Variants in CALN1 observed in about 807,000 individuals in gnomAD.
CALN1 encodes calneuron 1, also known as calcium-binding protein 8.
CALN1 carries 17 observed loss-of-function variants against 30.6 expected under a neutral mutation model. That is an observed-to-expected ratio of 0.56 (90% CI 0.38 to 0.83). CALN1 has a LOEUF of 0.83. Ranked by LOEUF, CALN1 falls within the 40% of genes least tolerant of loss-of-function variation. CALN1 has a pLI of 0.00. For synonymous variants in CALN1, 156 were observed against 131.4 expected (o/e 1.19, Z -1.28); for missense variants, 291 against 354.9 (o/e 0.82, Z 1.45).
intron 3 of CALN1, among the ~76,000 whole-genome samples, chr7:72,227,639 A>G (rs952836250): frequency 2.0e-5 from 3 of 151,906 alleles, no homozygotes; most frequent in African/African-American, 7.3e-5. Context: ...GTTGGGTACT[A>G]TGCTCACTAC....
At chr7:72,025,310 A>C (rs1159571312) in intron 4 of CALN1, among the ~76,000 whole-genome samples, 1 of 151,038 alleles carries the variant, frequency 6.6e-6, no homozygotes, top group Non-Finnish European at 1.5e-5. Flanking sequence ...GACTCCATCT[A>C]AAAAAATAAT....
chr7:72,486,663 G>A, the CALN1 span, among the ~76,000 whole-genome samples: 9 of 151,878 alleles, frequency 5.9e-5, no homozygotes, highest in East Asian at 5.8e-4. Context: ...GTGAGCCACC[G>A]AGCCCAGCCA....
chr7:72,331,266 C>G (rs1018385985), intron 2 of CALN1, among the ~76,000 whole-genome samples: 1 of 152,102 alleles, frequency 6.6e-6, no homozygotes, highest in Non-Finnish European at 1.5e-5. Flanking sequence ...AGAAGAATCG[C>G]TTGAACCCAG....
At chr7:71,798,983 T>C (rs962960928) in intron 6 of CALN1, among the ~76,000 whole-genome samples, 3 of 152,084 alleles carry the variant, frequency 2.0e-5, no homozygotes, top group Admixed American at 6.5e-5. Context: ...ACTCCGGGTA[T>C]GAATGTGTCA....
intron 5 of CALN1, among the ~76,000 whole-genome samples, chr7:71,870,607 T>C (rs1357279900): frequency 2.0e-5 from 3 of 152,192 alleles, no homozygotes; most frequent in African/African-American, 7.2e-5. Flanking sequence ...AAATTTTCAA[T>C]ATTTTCCAAA....
At chr7:72,223,702 A>G (rs762217707) in intron 3 of CALN1, among the ~76,000 whole-genome samples, 1 of 152,230 alleles carries the variant, frequency 6.6e-6, no homozygotes, top group Non-Finnish European at 1.5e-5. Flanking sequence ...CCGCACTAGC[A>G]TGTTTATTGC....
chr7:71,967,782 A>G (rs1196828717), intron 5 of CALN1, among the ~76,000 whole-genome samples: 1 of 152,166 alleles, frequency 6.6e-6, no homozygotes. Flanking sequence ...AGAATTTACT[A>G]AAGTAAATGA....
intron 3 of CALN1, among the ~76,000 whole-genome samples, chr7:72,210,614 C>T (rs1792321965): frequency 6.6e-6 from 1 of 152,032 alleles, no homozygotes; most frequent in African/African-American, 2.4e-5. Flanking sequence ...AAAGACTGAA[C>T]TCAGGAGGAA....
chr7:72,463,467 T>C, the CALN1 span, among the ~76,000 whole-genome samples: 1 of 152,164 alleles, frequency 6.6e-6, no homozygotes, highest in Admixed American at 6.6e-5. Context: ...AATATCTGCA[T>C]TTTTCTGGGA....
At chr7:72,370,229 T>C (rs1324772312) in intron 2 of CALN1, among the ~76,000 whole-genome samples, 1 of 152,208 alleles carries the variant, frequency 6.6e-6, no homozygotes, top group Non-Finnish European at 1.5e-5. Flanking sequence ...ATGTTGAATA[T>C]CTTCTCAGAT....
intron 3 of CALN1, among the ~76,000 whole-genome samples, chr7:72,185,875 T>C (rs1270836314): frequency 1.3e-5 from 2 of 152,244 alleles, no homozygotes; most frequent in Non-Finnish European, 2.9e-5. Context: ...TGCGAGGCTT[T>C]CACAGCCATG....
At chr7:72,409,258 T>C (rs1585688508) in intron 1 of CALN1, among the ~76,000 whole-genome samples, 2 of 151,806 alleles carry the variant, frequency 1.3e-5, no homozygotes, top group East Asian at 3.9e-4. Context: ...CCTCCCAAAA[T>C]GCTGGGATTA....
At chr7:72,290,627 T>G (rs1316482789) in intron 2 of CALN1, among the ~76,000 whole-genome samples, 1 of 152,236 alleles carries the variant, frequency 6.6e-6, no homozygotes, top group South Asian at 2.1e-4. Context: ...GTTCTTGAAC[T>G]AAGTCTTCAC....
Position 72,401,017 on chromosome 7 carries a change from G to A in CALN1, c.119+2234C>T, listed in dbSNP as rs190048621. ...AGGCCACTGCAGCGAGGAAACAGTG[G>A]TGGCTCTCTTTTGAGCATGCTTTGG... On this transcript the variant is annotated intron_variant, in intron 2 of 6. Transcript: ENST00000395275. 2.2e-3 allele frequency among the ~76,000 whole-genome samples: 341 copies of A among 152,264 alleles called. 2 individuals carry two copies. Among genetic ancestry groups the A allele is most frequent in the South Asian group, 0.012 (58 of 4,816 alleles).
At chr7:71,960,167 AAAT>A (rs758245876) in intron 5 of CALN1, among the ~76,000 whole-genome samples, 1 of 116,568 alleles carries the variant, frequency 8.6e-6, no homozygotes, top group African/African-American at 3.0e-5. Flanking sequence ...ATAAATAAAT[AAAT>A]AAATAAATAA....
chr7:71,854,009 T>C (rs1332159762), intron 5 of CALN1, among the ~76,000 whole-genome samples: 4 of 152,204 alleles, frequency 2.6e-5, no homozygotes, highest in African/African-American at 7.2e-5. Flanking sequence ...AATCCACATA[T>C]TTCTATGCTT....
intron 3 of CALN1, among the ~76,000 whole-genome samples, chr7:72,153,696 A>T (rs1431516197): frequency 6.6e-6 from 1 of 151,664 alleles, no homozygotes. Context: ...AAATAAAAAG[A>T]AAAAAGAAAA....
chr7:72,086,577 G>A (rs917808702), intron 4 of CALN1, among the ~76,000 whole-genome samples: 92 of 152,054 alleles, frequency 6.1e-4, no homozygotes, highest in African/African-American at 1.8e-3. Context: ...GGGACTACCG[G>A]CCCGTGCCAC....
chr7:72,292,167 C>G (rs1019752493), intron 2 of CALN1, among the ~76,000 whole-genome samples: 6 of 151,940 alleles, frequency 3.9e-5, no homozygotes, highest in African/African-American at 1.5e-4. Context: ...ACTCTTGCAC[C>G]AACCCAATAT....
Sources: allele counts gnomAD v4.1 joint callset (sites outside exome capture counted in the v4.1 genomes callset), GRCh38; gene constraint gnomAD v4.1.1; transcripts MANE v1.5; gene names NCBI Gene and HGNC (gene_info 2026-07-23, HGNC 2026-07-21).